Variants in ASIC2 observed in about 807,000 individuals in gnomAD.
ASIC2 encodes the protein acid-sensing ion channel 2.
ASIC2 carries 25 observed loss-of-function variants against 57.3 expected under a neutral mutation model. That is an observed-to-expected ratio of 0.44 (90% confidence interval 0.32 to 0.61). The LOEUF is 0.61. Ranked by LOEUF, ASIC2 falls within the 20% of genes least tolerant of loss-of-function variation. The pLI is 0.06. For synonymous variants in ASIC2, 319 were observed against 307.5 expected, an observed-to-expected ratio of 1.04 and a Z score of -0.39; for missense variants, 641 against 738.1, an observed-to-expected ratio of 0.87 and a Z score of 1.52.
chr17:34,064,354 C>T (rs1224014385), intron 1 of ASIC2, among the ~76,000 whole-genome samples: 1 of 152,148 alleles, frequency 6.6e-6, no homozygotes, highest in East Asian at 1.9e-4. Context: ...ATCCTCATCT[C>T]TCACCTTATA....
chr17:33,661,523 T>C (rs146676018), intron 1 of ASIC2, among the ~76,000 whole-genome samples: 65 of 152,294 alleles, frequency 4.3e-4, no homozygotes, highest in African/African-American at 1.5e-3. Context: ...GGGCAAGACA[T>C]TGAATGATTC....
rs1316711993 is a variant in ASIC2 at position 33,880,094 on chromosome 17, A to G, written c.555+275884T>C. ...CACAACATACCAGAATCTCTGGGACACATTTAAAGCAGTGTGTAGAGGGAA... is the reference window on the plus strand; with the variant it reads ...CACAACATACCAGAATCTCTGGGACGCATTTAAAGCAGTGTGTAGAGGGAA... On this transcript the variant is annotated intron_variant, in intron 1 of 9. Transcript: ENST00000359872. 3.3e-5 allele frequency among the ~76,000 whole-genome samples: 5 copies of G among 152,352 alleles called. No individual in the cohort carries two copies. In the East Asian group the frequency reaches 7.7e-4, roughly 23 times the overall value.
chr17:33,192,376 T>A (rs1906453957), intron 1 of ASIC2, among the ~76,000 whole-genome samples: 1 of 149,364 alleles, frequency 6.7e-6, no homozygotes, highest in Non-Finnish European at 1.5e-5. Flanking sequence ...AGAGCAAAAC[T>A]CAGTCTCAAA....
At chr17:33,576,759 A>C (rs545228133) in intron 1 of ASIC2, among the ~76,000 whole-genome samples, 6 of 132,106 alleles carry the variant, frequency 4.5e-5, no homozygotes, top group African/African-American at 1.9e-4. Context: ...CTATACCTGG[A>C]GTATGGTGAG....
intron 1 of ASIC2, chr17:34,038,151 T>C (rs1001690764): frequency 6.2e-7 from 1 of 1,612,800 alleles, no homozygotes; most frequent in African/African-American, 1.3e-5. Context: ...AAAAGAATAT[T>C]ACCTGGTTTG....
intron 1 of ASIC2, chr17:33,791,895 A>G (rs531568510): frequency 6.6e-6 from 1 of 151,998 alleles, no homozygotes; most frequent in Non-Finnish European, 1.5e-5. Flanking sequence ...GCAGCCTCCA[A>G]CTCCTGGGCT....
At chr17:33,232,446 A>AATGGTATGGTATGGTATGGTATGGT (rs796183336) in intron 1 of ASIC2, among the ~76,000 whole-genome samples, 3 of 127,952 alleles carry the variant, frequency 2.3e-5, no homozygotes, top group Admixed American at 1.5e-4. Flanking sequence ...TATGGTATGG[A>AATGGTATGGTATGGTATGGTATGGT]ATGGTATGGT....
At chr17:33,106,563 C>G (rs2092235443) in intron 2 of ASIC2, among the ~76,000 whole-genome samples, 1 of 152,202 alleles carries the variant, frequency 6.6e-6, no homozygotes, top group African/African-American at 2.4e-5. Context: ...CACCCCCACT[C>G]ACTCAGTGTG....
intron 1 of ASIC2, among the ~76,000 whole-genome samples, chr17:33,971,912 C>T (rs1283809077): frequency 6.6e-6 from 1 of 152,124 alleles, no homozygotes; most frequent in Non-Finnish European, 1.5e-5. Context: ...AGTAATAATT[C>T]TTCCCCGAGA....
At chr17:33,477,809 T>G (rs1379880703) in intron 1 of ASIC2, among the ~76,000 whole-genome samples, 2 of 152,056 alleles carry the variant, frequency 1.3e-5, no homozygotes, top group Admixed American at 6.5e-5. Context: ...GTCTTAAGGA[T>G]GAGTTATAGT....
chr17:33,641,674 CAT>C (rs1252469177), intron 1 of ASIC2, among the ~76,000 whole-genome samples: 1 of 152,208 alleles, frequency 6.6e-6, no homozygotes, highest in Non-Finnish European at 1.5e-5. Flanking sequence ...CACTCCAAAA[CAT>C]AGGAAGACCG....
Position 34,135,725 on chromosome 17 carries a change from C to T in ASIC2, c.555+20253G>A, listed in dbSNP as rs190464482. Among the ~76,000 whole-genome samples, 411 of 152,070 alleles carry T rather than the reference C, an allele frequency of 2.7e-3. 2 individuals are homozygous for T. The highest frequency in any genetic ancestry group is 9.6e-3 in the African/African-American group (399 of 41,476). On this transcript the variant is annotated intron_variant, in intron 1 of 9. Transcript: ENST00000359872. ...TAATTCACATCAAGGACTTGCACTC[C>T]ACAAATATATGATTAAAAGGTGAAA...
At chr17:34,132,199 C>T (rs765983257) in intron 1 of ASIC2, among the ~76,000 whole-genome samples, 7 of 152,096 alleles carry the variant, frequency 4.6e-5, no homozygotes, top group Non-Finnish European at 7.4e-5. Context: ...CTAGTGTGTC[C>T]GGAGTTGGTT....
intron 1 of ASIC2, among the ~76,000 whole-genome samples, chr17:33,579,440 G>C (rs940031475): frequency 1.3e-5 from 2 of 152,076 alleles, no homozygotes; most frequent in African/African-American, 2.4e-5. Context: ...GACTAGGGCT[G>C]CGGGGTACCC....
chr17:33,289,482 G>T (rs1567811739), intron 1 of ASIC2, among the ~76,000 whole-genome samples: 1 of 152,150 alleles, frequency 6.6e-6, no homozygotes, highest in Non-Finnish European at 1.5e-5. Context: ...TCCTAGGAGG[G>T]ACAGGATTCC....
chr17:34,114,209 C>T (rs1911363339), intron 1 of ASIC2, among the ~76,000 whole-genome samples: 1 of 152,300 alleles, frequency 6.6e-6, no homozygotes, highest in African/African-American at 2.4e-5. Flanking sequence ...CCTGCCTGCA[C>T]CTAGTTGAAT....
intron 1 of ASIC2, among the ~76,000 whole-genome samples, chr17:34,090,441 CCTT>C (rs1910289270): frequency 6.6e-6 from 1 of 151,632 alleles, no homozygotes; most frequent in African/African-American, 2.4e-5. Flanking sequence ...AAGAATCAGA[CCTT>C]CTGACAACCA....
chr17:33,679,791 G>A (rs971810822), intron 1 of ASIC2, among the ~76,000 whole-genome samples: 8 of 152,102 alleles, frequency 5.3e-5, no homozygotes, highest in Admixed American at 4.6e-4. Context: ...GCCTCGAGGC[G>A]GGGCAGGGCT....
chr17:33,119,837 C>A (rs2092294537), intron 1 of ASIC2, among the ~76,000 whole-genome samples: 1 of 152,234 alleles, frequency 6.6e-6, no homozygotes, highest in Non-Finnish European at 1.5e-5. Context: ...CCCCTTTGCC[C>A]TTCCCAATCA....
Sources: allele counts gnomAD v4.1 joint callset (sites outside exome capture counted in the v4.1 genomes callset), GRCh38; gene constraint gnomAD v4.1.1; transcripts MANE v1.5; gene names NCBI Gene and HGNC (gene_info 2026-07-23, HGNC 2026-07-21).